CEP170: variants seen among roughly 807,000 people sequenced by gnomAD.
CEP170 encodes the protein centrosomal protein 170.
In CEP170, 21 loss-of-function variants were observed where a neutral mutation model predicts 151.9. That is an observed-to-expected ratio of 0.14 (90% CI 0.10 to 0.20). The LOEUF is 0.20. Ranked by LOEUF, CEP170 falls within the 10% of genes least tolerant of loss-of-function variation. The pLI is 1.00. For synonymous variants in CEP170, 356 were observed against 648.8 expected (o/e 0.55, Z 6.86); for missense variants, 964 against 1,892.9 (o/e 0.51, Z 9.11).
intron 4 of CEP170, among the ~76,000 whole-genome samples, chr1:243,205,473 G>C (rs2061350421): frequency 6.6e-6 from 1 of 152,200 alleles, no homozygotes; most frequent in African/African-American, 2.4e-5. Context: ...TATGTTAATA[G>C]ATTGGGCATA....
intron 14 of CEP170, among the ~76,000 whole-genome samples, chr1:243,143,699 C>A: frequency 7.0e-6 from 1 of 142,524 alleles, no homozygotes. Context: ...TCTGCAACTT[C>A]AAAATCCAAA....
intron 10 of CEP170, among the ~76,000 whole-genome samples, chr1:243,177,038 GCA>G (rs1287750040): frequency 6.6e-6 from 1 of 152,176 alleles, no homozygotes; most frequent in Non-Finnish European, 1.5e-5. Context: ...GTGCAAAGAT[GCA>G]CAGTGTCCAA....
intron 10 of CEP170, chr1:243,176,635 TCAAATC>T (rs1171003231): frequency 4.7e-6 from 1 of 211,618 alleles, no homozygotes; most frequent in African/African-American, 2.3e-5. Context: ...CTTTGGGATT[TCAAATC>T]CAAAGCTCAG....
At chr1:243,140,892 A>C (rs71214945) in intron 15 of CEP170, among the ~76,000 whole-genome samples, 1 of 152,196 alleles carries the variant, frequency 6.6e-6, no homozygotes, top group Non-Finnish European at 1.5e-5. Context: ...AATATCTTCA[A>C]CATTTTAAAT....
intron 4 of CEP170, among the ~76,000 whole-genome samples, chr1:243,209,351 A>G (rs2061622546): frequency 6.6e-6 from 1 of 151,988 alleles, no homozygotes; most frequent in Admixed American, 6.6e-5. Context: ...ATGCCAGGCT[A>G]GTTTTTGTAT....
intron 7 of CEP170, among the ~76,000 whole-genome samples, chr1:243,198,096 A>G (rs1417314472): frequency 6.6e-6 from 1 of 152,056 alleles, no homozygotes; most frequent in East Asian, 1.9e-4. Context: ...TTCTCATGGA[A>G]TTTATCCTTG....
chr1:243,248,995 G>T (rs1015167428), intron 1 of CEP170, among the ~76,000 whole-genome samples: 1 of 152,082 alleles, frequency 6.6e-6, no homozygotes, highest in East Asian at 1.9e-4. Context: ...CAAGTTCTCT[G>T]CTAAATGTCA....
At position 243,189,845 on chromosome 1, in the gene CEP170, C is replaced by T. The variant is rs534441535; in HGVS notation, c.1108+1173G>A. On this transcript the variant is annotated intron_variant, in intron 8 of 19. Transcript: ENST00000366542. Reference sequence around the variant, plus strand: ...GTGTTAACCTACAGAAACAAAATGTCTCAATTACGTATTGTCTAGAAGTAA... The same window carrying T: ...GTGTTAACCTACAGAAACAAAATGTTTCAATTACGTATTGTCTAGAAGTAA... 3.8e-4 allele frequency among the ~76,000 whole-genome samples: 58 copies of T among 152,242 alleles called. No homozygotes were observed. The Middle Eastern group carries it at 0.01, about 27-fold the overall frequency.
chr1:243,156,458 A>T lies in CEP170; in HGVS notation c.3677-3T>A. On this transcript the variant is annotated splice_polypyrimidine_tract_variant and splice_region_variant and intron_variant, in intron 13 of 19. Transcript: ENST00000366542. ...AAAGCGCCTCCATCTTGAATTTACTAAATTAGTTTAATTATTAAAAAAAGA... is the reference window on the plus strand; with the variant it reads ...AAAGCGCCTCCATCTTGAATTTACTTAATTAGTTTAATTATTAAAAAAAGA... The T allele has an allele frequency of 6.5e-7, 1 of 1,534,552 alleles. No individual in the cohort carries two copies. Among genetic ancestry groups the T allele is most frequent in the Non-Finnish European group, 8.8e-7 (1 of 1,140,280 alleles).
At position 243,185,782 on chromosome 1, in the gene CEP170, G is replaced by T; in HGVS notation, c.1563C>A (p.Asp521Glu). 6.3e-7 allele frequency: 1 copy of T among 1,590,788 alleles called. No individual in the cohort carries two copies. Residue 521 changes from aspartate (D) to glutamate (E), a missense_variant, in exon 10 of 20, where the codon GAC becomes GAA. Asp to Glu is a conservative substitution (Grantham distance 45). Coordinates refer to ENST00000366542, the MANE Select transcript of CEP170 (RefSeq NM_014812.3). The surrounding 1 kb of genome is among the most constrained non-coding windows in gnomAD (Gnocchi z 4.9). ...CACTCAAATTTCAATTATTTACCTT[G>T]TCAATCATTTTTCTTGCTTCCACTT... Reference protein sequence around the residue: ...SEEVEARKMIDKVFGVDDNQD... With the variant: ...SEEVEARKMIEKVFGVDDNQD...
chr1:243,224,266 T>A (rs2063050002), intron 2 of CEP170, among the ~76,000 whole-genome samples: 1 of 152,192 alleles, frequency 6.6e-6, no homozygotes, highest in African/African-American at 2.4e-5. Context: ...AGCTTAAAAC[T>A]GCAAAGATAG....
chr1:243,221,599 A>G (rs1375060555), intron 3 of CEP170, 125 bp downstream of exon 3: 1 of 932,774 alleles, frequency 1.1e-6, no homozygotes, highest in South Asian at 1.8e-5. Flanking sequence ...TGTACCTGAT[A>G]AGCATTTGAA....
intron 13 of CEP170, 120 bp downstream of exon 13, chr1:243,164,164 T>A: frequency 8.0e-7 from 1 of 1,244,828 alleles, no homozygotes; most frequent in Non-Finnish European, 1.0e-6. Flanking sequence ...ATATCATAAC[T>A]TTTGTTTTGA....
chr1:243,129,506 A>G (rs1025085706), intron 17 of CEP170, 53 bp from the exon 18 acceptor site: 2 of 1,161,236 alleles, frequency 1.7e-6, no homozygotes, highest in Admixed American at 3.0e-5. Context: ...AAAACCTATT[A>G]CTTTTTTGTT....
Position 243,233,766 on chromosome 1 carries a change from A to T in CEP170, c.-41-8445T>A, listed in dbSNP as rs867437603. Among the ~76,000 whole-genome samples, 616 of 146,606 alleles carry T rather than the reference A, an allele frequency of 4.2e-3. 2 individuals carry two copies. The highest frequency in any genetic ancestry group is 0.015 in the African/African-American group (584 of 40,276). ...AATATATATATATATATATATATAT[A>T]TTTTAAAACGTTGTTCCTATTCACA... On this transcript the variant is annotated intron_variant, in intron 1 of 19. Transcript: ENST00000366542.
intron 1 of CEP170, among the ~76,000 whole-genome samples, chr1:243,233,067 C>G (rs1385198987): frequency 6.6e-6 from 1 of 152,108 alleles, no homozygotes; most frequent in African/African-American, 2.4e-5. Flanking sequence ...TTAAAAAATC[C>G]TAGTTATAGT....
At chr1:243,139,116 T>TTTTTTTTTTTTTTTTTTTTTTTG (rs2055504835) in intron 16 of CEP170, among the ~76,000 whole-genome samples, 1 of 151,940 alleles carries the variant, frequency 6.6e-6, no homozygotes. Context: ...TTTTTTTTTT[T>TTTTTTTTTTTTTTTTTTTTTTTG]TTGGAGACAG....
chr1:243,234,881 A>T (rs11807000), intron 1 of CEP170, among the ~76,000 whole-genome samples: 8,866 of 152,294 alleles, frequency 0.058, 382 homozygotes, highest in Non-Finnish European at 0.09. Context: ...AATTGGTAGC[A>T]TTTATTGACT....
chr1:243,244,763 A>AT (rs397739212), intron 1 of CEP170, among the ~76,000 whole-genome samples: 1 of 151,988 alleles, frequency 6.6e-6, no homozygotes. Flanking sequence ...GTAAAAAAAA[A>AT]GAAAGTAAAA....
Sources: allele counts gnomAD v4.1 joint callset (sites outside exome capture counted in the v4.1 genomes callset), GRCh38; gene constraint gnomAD v4.1.1; non-coding constraint Gnocchi (gnomAD v3.1); transcripts MANE v1.5; gene names NCBI Gene and HGNC (gene_info 2026-07-23, HGNC 2026-07-21).